The following PDIA4 variants were observed in gnomAD, a reference collection of about 807,000 sequenced individuals.
The protein encoded by PDIA4 is protein disulfide isomerase family A member 4, also known as protein disulfide-isomerase A4.
In PDIA4, 33 loss-of-function variants were observed where a neutral mutation model predicts 62.1. The ratio of observed to expected loss-of-function variants is 0.53; its 90% CI spans 0.40 to 0.71. The LOEUF is 0.71. PDIA4 is among the 30% of genes least tolerant of loss of function. PDIA4 has a pLI of 0.00. For missense variants in PDIA4, 804 were observed against 813.6 expected, an observed-to-expected ratio of 0.99 and a Z score of 0.14; for synonymous variants, 341 against 324.1, an observed-to-expected ratio of 1.05 and a Z score of -0.56.
At chr7:149,011,763 C>T (rs1299909712) in intron 6 of PDIA4, 83 bp downstream of exon 6, 7 of 1,176,644 alleles carry the variant, frequency 5.9e-6, no homozygotes, top group Non-Finnish European at 8.4e-6. Flanking sequence ...TAATGGATGT[C>T]CCAGGAGCTT....
chr7:149,024,998 C>A (rs1396217206), intron 1 of PDIA4, among the ~76,000 whole-genome samples: 1 of 143,610 alleles, frequency 7.0e-6, no homozygotes, highest in African/African-American at 2.6e-5. Context: ...GTGACACATG[C>A]CTGTAATCCC....
rs1563122978 is a variant in PDIA4, at chr7:149,018,904, GT to G, written c.475+87del. On this transcript the variant is annotated intron_variant, in intron 3 of 9. Coordinates refer to ENST00000652332, the MANE Select transcript of PDIA4 (RefSeq NM_004911.5). ...AGGTTCCTGAGAAAGTCAGTCCCTG[GT>G]ACCCTCAGCTTTTCTTCCTCTATTA... is the stretch of plus-strand genomic sequence containing the variant. The G allele has an allele frequency of 9.5e-5, 87 of 911,002 alleles. 1 individual carries two copies. Among genetic ancestry groups the G allele is most frequent in the Non-Finnish European group, 1.4e-4 (79 of 571,390 alleles). The allele number at this position is 911,002 out of a possible 1,614,324, so 56.4% of individuals were successfully genotyped here. A position where few individuals can be genotyped will look rare whatever the true frequency, so the allele number is the denominator to read the frequency against.
chr7:149,027,501 G>A (rs1395757524), intron 1 of PDIA4, among the ~76,000 whole-genome samples: 3 of 152,150 alleles, frequency 2.0e-5, no homozygotes, highest in East Asian at 1.9e-4. Context: ...TAAAAGTAAG[G>A]GCAGAGAGGA....
intron 7 of PDIA4, among the ~76,000 whole-genome samples, chr7:149,007,381 AC>A (rs964296932): frequency 2.2e-4 from 34 of 152,162 alleles, no homozygotes; most frequent in Admixed American, 2.0e-4. Flanking sequence ...GGCCAGTAGG[AC>A]CTGGAAAGGC....
At chr7:149,004,602 G>A (rs540302078) in intron 9 of PDIA4, among the ~76,000 whole-genome samples, 1 of 152,338 alleles carries the variant, frequency 6.6e-6, no homozygotes, top group East Asian at 1.9e-4. Context: ...GGGGCCTGGG[G>A]CCATGTGCTC....
At chr7:149,024,923 G>A (rs932629835) in intron 1 of PDIA4, among the ~76,000 whole-genome samples, 2 of 149,446 alleles carry the variant, frequency 1.3e-5, no homozygotes, top group South Asian at 2.1e-4. Context: ...TCGGGAGTTC[G>A]AGACCAGCCT....
intron 1 of PDIA4, among the ~76,000 whole-genome samples, chr7:149,027,178 G>A (rs899750507): frequency 2.0e-5 from 3 of 152,184 alleles, no homozygotes; most frequent in Admixed American, 1.3e-4. Context: ...CCTGCATTCT[G>A]CTTCAGTGTA....
At chr7:149,021,276 G>T in intron 1 of PDIA4, 129 bp from the exon 2 acceptor site, 1 of 842,988 alleles carries the variant, frequency 1.2e-6, no homozygotes, top group Non-Finnish European at 1.8e-6. Flanking sequence ...GGATCACGAG[G>T]TCAGGAGTTC....
chr7:149,018,953 G>C lies in PDIA4; in HGVS notation c.475+39C>G, dbSNP rs763761245. On this transcript the variant is annotated intron_variant, in intron 3 of 9. Coordinates refer to ENST00000652332, the MANE Select transcript of PDIA4 (RefSeq NM_004911.5). Reference sequence around the variant, plus strand: ...TTAGCCAAATTCCCATTCCCTGCGGGAAGGAGTTCTTCCTCTACGAGCTCA... The same window carrying C: ...TTAGCCAAATTCCCATTCCCTGCGGCAAGGAGTTCTTCCTCTACGAGCTCA... 1.0e-5 allele frequency: 15 copies of C among 1,477,938 alleles called. No homozygotes were observed. In the East Asian group the frequency reaches 3.2e-4, roughly 31 times the overall value. 91.6% of individuals were successfully genotyped at this position (1,477,938 alleles called of 1,614,324 possible).
intron 1 of PDIA4, chr7:149,028,115 G>A (rs2129506195): frequency 5.0e-6 from 3 of 595,744 alleles, no homozygotes; most frequent in South Asian, 3.9e-5. Context: ...TTCCTCTCCC[G>A]GGAACCCCAA....
chr7:149,021,849 C>T (rs1045817098), intron 1 of PDIA4, among the ~76,000 whole-genome samples: 2 of 152,162 alleles, frequency 1.3e-5, no homozygotes, highest in Non-Finnish European at 2.9e-5. Flanking sequence ...CCACCCTCTG[C>T]GGTCTTCCCG....
intron 7 of PDIA4, 151 bp from the exon 8 acceptor site, chr7:149,006,204 C>G: frequency 3.0e-6 from 2 of 658,298 alleles, no homozygotes; most frequent in Non-Finnish European, 4.8e-6. Context: ...CACTCAAGCA[C>G]AGCCCAGTCA....
chr7:149,028,063 G>A (rs1283514503), intron 1 of PDIA4: 3 of 636,100 alleles, frequency 4.7e-6, no homozygotes, highest in South Asian at 3.2e-5. Flanking sequence ...TCGGGTGACA[G>A]GGGTCTTCCA....
intron 4 of PDIA4, among the ~76,000 whole-genome samples, chr7:149,012,743 G>A (rs1823993064): frequency 2.0e-5 from 3 of 152,168 alleles, no homozygotes; most frequent in Admixed American, 6.5e-5. Flanking sequence ...CTTCAGAGGA[G>A]GAGTAGCAGT....
chr7:149,013,960 A>C (rs1824038579), intron 4 of PDIA4, among the ~76,000 whole-genome samples: 1 of 152,120 alleles, frequency 6.6e-6, no homozygotes, highest in African/African-American at 2.4e-5. Context: ...ATGCATAGCG[A>C]AACAAGGGTC....
chr7:149,024,316 A>G (rs1335422852), intron 1 of PDIA4, among the ~76,000 whole-genome samples: 3 of 81,236 alleles, frequency 3.7e-5, no homozygotes, highest in Non-Finnish European at 7.7e-5. Flanking sequence ...GTAATTAAGG[A>G]CTCTCAAGGC....
At chr7:149,010,900 G>C (rs1264177031) in intron 6 of PDIA4, among the ~76,000 whole-genome samples, 3 of 152,244 alleles carry the variant, frequency 2.0e-5, no homozygotes, top group Non-Finnish European at 2.9e-5. Flanking sequence ...GTAACTTGCA[G>C]TCAGACTTGG....
chr7:149,016,855 G>C (rs1480771956), intron 3 of PDIA4, among the ~76,000 whole-genome samples: 1 of 152,126 alleles, frequency 6.6e-6, no homozygotes, highest in African/African-American at 2.4e-5. Flanking sequence ...CAGGTTCAGG[G>C]AAGAAAGACT....
At chr7:149,018,070 A>G (rs1346986473) in intron 3 of PDIA4, among the ~76,000 whole-genome samples, 2 of 152,034 alleles carry the variant, frequency 1.3e-5, no homozygotes, top group African/African-American at 4.8e-5. Flanking sequence ...TCTACTAAAA[A>G]TACAAAAAAT....
Sources: allele counts gnomAD v4.1 joint callset (sites outside exome capture counted in the v4.1 genomes callset), GRCh38; gene constraint gnomAD v4.1.1; transcripts MANE v1.5; gene names NCBI Gene and HGNC (gene_info 2026-07-23, HGNC 2026-07-21).